Variants in SLAIN2 observed in about 807,000 individuals in gnomAD.
SLAIN2 encodes the protein SLAIN family member 2, also known as SLAIN motif-containing protein 2.
SLAIN2 carries 31 observed loss-of-function variants against 56.6 expected under a neutral mutation model. The ratio of observed to expected loss-of-function variants is 0.55; its 90% CI spans 0.41 to 0.74. The LOEUF (loss-of-function observed/expected upper bound fraction) is 0.74, where lower values mean the gene tolerates loss of function less well. SLAIN2 is among the 30% of genes least tolerant of loss of function. SLAIN2 has a pLI of 0.00. For missense variants in SLAIN2, 777 were observed against 754.2 expected (o/e 1.03, Z -0.35); for synonymous variants, 317 against 284.9 (o/e 1.11, Z -1.13).
chr4:48,377,271 C>T (rs1474994942), intron 2 of SLAIN2, among the ~76,000 whole-genome samples: 4 of 151,828 alleles, frequency 2.6e-5, no homozygotes, highest in Non-Finnish European at 4.4e-5. Context: ...CAACCTCTGC[C>T]TCCCGGGTTC....
At chr4:48,397,681 G>A (rs1319907099) in intron 6 of SLAIN2, among the ~76,000 whole-genome samples, 3 of 152,114 alleles carry the variant, frequency 2.0e-5, no homozygotes, top group East Asian at 1.9e-4. Flanking sequence ...CCTGACAGCC[G>A]CCAGTGTGTG....
chr4:48,342,766 C>T lies in SLAIN2; in HGVS notation c.389+638C>T, dbSNP rs184661014. Among the ~76,000 whole-genome samples the T allele has an allele frequency of 1.5e-3, 173 of 112,266 alleles. 1 individual carries two copies. The highest frequency in any genetic ancestry group is 0.011 in the Middle Eastern group (1 of 88). The allele number at this position is 112,266 out of a possible 152,430, so 73.7% of individuals were successfully genotyped here. ...TCTGTGTGAAGAGTCAAGGGTGGAACGAGCCCTGGCTCTTATTTTCTAAAA... is the reference window on the plus strand; with the variant it reads ...TCTGTGTGAAGAGTCAAGGGTGGAATGAGCCCTGGCTCTTATTTTCTAAAA... On this transcript the variant is annotated intron_variant, in intron 1 of 7. Transcript: ENST00000264313.
rs978143719 is a variant in SLAIN2, at chr4:48,423,022, A to C, written c.*945A>C. 1 of 152,176 alleles carries C rather than the reference A, an allele frequency of 6.6e-6. No homozygotes were observed. The highest frequency in any genetic ancestry group is 1.5e-5 in the Non-Finnish European group (1 of 68,034). 9.4% of individuals were successfully genotyped at this position (152,176 alleles called of 1,614,324 possible). On this transcript the variant is annotated 3_prime_UTR_variant, in exon 8 of 8. Coordinates refer to ENST00000264313, the MANE Select transcript of SLAIN2 (RefSeq NM_020846.2). The stretch of plus-strand genomic sequence containing the variant: ...ATACAACACCACCTCGGTGCTTGCA[A>C]CCTGGAACAAAACCATACCATGAGA...
At chr4:48,369,460 G>A (rs1352064836) in intron 1 of SLAIN2, among the ~76,000 whole-genome samples, 3 of 152,166 alleles carry the variant, frequency 2.0e-5, no homozygotes, top group African/African-American at 4.8e-5. Context: ...TGTGTATGTC[G>A]TGGGAAGGGA....
intron 1 of SLAIN2, among the ~76,000 whole-genome samples, chr4:48,346,176 T>C (rs1264240950): frequency 6.6e-6 from 1 of 152,244 alleles, no homozygotes; most frequent in East Asian, 1.9e-4. Flanking sequence ...TCACAAACTT[T>C]TTTTTCATCC....
chr4:48,401,358 A>G (rs981341055), intron 6 of SLAIN2, among the ~76,000 whole-genome samples: 1 of 152,162 alleles, frequency 6.6e-6, no homozygotes, highest in Non-Finnish European at 1.5e-5. Context: ...TGTTCTGTCT[A>G]ATATTGTCAG....
chr4:48,365,794 C>G (rs1447730675), intron 1 of SLAIN2, among the ~76,000 whole-genome samples: 5 of 152,104 alleles, frequency 3.3e-5, no homozygotes, highest in African/African-American at 1.2e-4. Context: ...AACTCCTGAC[C>G]TCAGGTGATC....
chr4:48,374,020 A>G (rs1715737515), intron 2 of SLAIN2, among the ~76,000 whole-genome samples: 2 of 152,106 alleles, frequency 1.3e-5, no homozygotes, highest in African/African-American at 4.8e-5. Flanking sequence ...CCTGGGCAGC[A>G]AGAGTGAAAC....
chr4:48,382,707 A>G lies in SLAIN2; in HGVS notation c.1002A>G (p.Ala334=), dbSNP rs1715999520. Residue 334 remains alanine, a synonymous_variant, in exon 5 of 8, where the codon GCA becomes GCG. Coordinates refer to ENST00000264313, the MANE Select transcript of SLAIN2 (RefSeq NM_020846.2). ...ATGAAGATGACAATATGCATCATGC[A>G]GTATACCCTGCTGTTAACAGGTTTT... The part of the protein sequence containing the change: ...LDDEDDNMHH[A]VYPAVNRFSP... 2 of 1,613,876 alleles carry G rather than the reference A, an allele frequency of 1.2e-6. No individual in the cohort carries two copies.
intron 3 of SLAIN2, among the ~76,000 whole-genome samples, chr4:48,378,318 G>T (rs1304608963): frequency 6.6e-6 from 1 of 152,128 alleles, no homozygotes; most frequent in Non-Finnish European, 1.5e-5. Context: ...TTAATTAAAT[G>T]GGTTACAAAT....
intron 6 of SLAIN2, among the ~76,000 whole-genome samples, chr4:48,404,107 C>G (rs1241386000): frequency 1.3e-5 from 2 of 152,116 alleles, no homozygotes; most frequent in East Asian, 3.9e-4. Context: ...CCTAGTCAGT[C>G]CCAGTGCGAG....
At chr4:48,380,695 ATC>A (rs906704673) in intron 4 of SLAIN2, among the ~76,000 whole-genome samples, 14 of 152,190 alleles carry the variant, frequency 9.2e-5, no homozygotes, top group African/African-American at 2.7e-4. Context: ...GAAGTAAGAA[ATC>A]TCTCTAAAGC....
chr4:48,366,427 T>C (rs1179021212), intron 1 of SLAIN2, among the ~76,000 whole-genome samples: 5 of 152,200 alleles, frequency 3.3e-5, no homozygotes, highest in Non-Finnish European at 7.3e-5. Flanking sequence ...CAAAACAAAA[T>C]TTCTGAATTG....
chr4:48,381,747 A>G (rs971161890), intron 4 of SLAIN2, among the ~76,000 whole-genome samples: 1 of 152,204 alleles, frequency 6.6e-6, no homozygotes, highest in East Asian at 1.9e-4. Context: ...ATACCACTTT[A>G]TAACAGATCT....
chr4:48,386,583 A>G (rs776671106), intron 6 of SLAIN2, among the ~76,000 whole-genome samples: 40 of 152,198 alleles, frequency 2.6e-4, no homozygotes, highest in Non-Finnish European at 4.7e-4. Context: ...ATTCAGCTAG[A>G]TATATGCTAA....
chr4:48,374,544 G>A (rs538562489), intron 2 of SLAIN2, among the ~76,000 whole-genome samples: 3 of 152,230 alleles, frequency 2.0e-5, no homozygotes, highest in Admixed American at 1.3e-4. Context: ...CTGGCACCCG[G>A]CCAATTGTGG....
At chr4:48,409,519 A>G (rs1307574130) in intron 6 of SLAIN2, among the ~76,000 whole-genome samples, 1 of 152,206 alleles carries the variant, frequency 6.6e-6, no homozygotes, top group Non-Finnish European at 1.5e-5. Flanking sequence ...CATTGCGTGG[A>G]TGCACCACAT....
At chr4:48,357,626 C>T (rs368618302) in intron 1 of SLAIN2, among the ~76,000 whole-genome samples, 2 of 152,108 alleles carry the variant, frequency 1.3e-5, no homozygotes, top group African/African-American at 4.8e-5. Context: ...TTCGACTCAC[C>T]GCAGCCTCCA....
chr4:48,365,362 C>T (rs74799097), intron 1 of SLAIN2, among the ~76,000 whole-genome samples: 11 of 129,996 alleles, frequency 8.5e-5, no homozygotes, highest in East Asian at 5.4e-4. Context: ...CCTAGCTACT[C>T]GGGAGGCTGA....
Sources: gnomAD v4.1 joint callset for allele counts (sites outside exome capture counted in the v4.1 genomes callset) on GRCh38, gnomAD v4.1.1 for gene constraint, MANE v1.5 for transcripts, NCBI Gene and HGNC (gene_info 2026-07-23, HGNC 2026-07-21) for gene names.